Variants in RAB3C observed in about 807,000 individuals in gnomAD.
RAB3C encodes the protein RAB3C, member RAS oncogene family, also known as ras-related protein Rab-3C.
RAB3C carries 17 observed loss-of-function variants against 26.4 expected under a neutral mutation model. The ratio of observed to expected loss-of-function variants is 0.64; its 90% confidence interval spans 0.44 to 0.97. RAB3C has a LOEUF of 0.97. RAB3C is among the 50% of genes least tolerant of loss of function. RAB3C has a pLI of 0.00. For synonymous variants in RAB3C, 91 were observed against 95.9 expected, an observed-to-expected ratio of 0.95 and a Z score of 0.30; for missense variants, 242 against 281.9, an observed-to-expected ratio of 0.86 and a Z score of 1.01.
chr5:58,587,400 C>T (rs1746035540), intron 1 of RAB3C, among the ~76,000 whole-genome samples: 1 of 152,174 alleles, frequency 6.6e-6, no homozygotes, highest in South Asian at 2.1e-4. Flanking sequence ...TAAAGGTTTT[C>T]CAACCATTTT....
chr5:58,800,035 A>T (rs1280816655), intron 3 of RAB3C, among the ~76,000 whole-genome samples: 1 of 152,244 alleles, frequency 6.6e-6, no homozygotes, highest in Non-Finnish European at 1.5e-5. Flanking sequence ...ATATAACCTT[A>T]CAGTATCCAT....
intron 2 of RAB3C, among the ~76,000 whole-genome samples, chr5:58,713,330 A>T (rs749586470): frequency 6.6e-6 from 1 of 152,212 alleles, no homozygotes; most frequent in Non-Finnish European, 1.5e-5. Context: ...TTCAAAACAA[A>T]TTAGAAATCT....
At chr5:58,662,106 T>A (rs1747916462) in intron 2 of RAB3C, among the ~76,000 whole-genome samples, 1 of 149,508 alleles carries the variant, frequency 6.7e-6, no homozygotes, top group African/African-American at 2.6e-5. Context: ...TTGTGGGAGG[T>A]CTCCTTTAGG....
chr5:58,779,918 T>A (rs994348672), intron 3 of RAB3C, among the ~76,000 whole-genome samples: 1 of 151,838 alleles, frequency 6.6e-6, no homozygotes, highest in African/African-American at 2.4e-5. Flanking sequence ...ACAGTTAGGG[T>A]CAAATATCTA....
chr5:58,717,332 C>T (rs1002800429), intron 2 of RAB3C, among the ~76,000 whole-genome samples: 3 of 152,044 alleles, frequency 2.0e-5, no homozygotes, highest in African/African-American at 7.2e-5. Flanking sequence ...GTTTCAAAAT[C>T]AGGGATGAAG....
chr5:58,583,278 T>C (rs1289672721), intron 1 of RAB3C, 46 bp downstream of exon 1: 1 of 1,613,250 alleles, frequency 6.2e-7, no homozygotes, highest in Non-Finnish European at 8.5e-7. Context: ...TTGAAAGAGA[T>C]GCTTTTCCCC....
chr5:58,758,735 G>A (rs112916448), intron 3 of RAB3C, among the ~76,000 whole-genome samples: 21 of 152,310 alleles, frequency 1.4e-4, no homozygotes, highest in South Asian at 8.3e-4. Context: ...GATAAAGGAT[G>A]ACGACCAAAG....
At chr5:58,744,370 C>A (rs1203838249) in intron 3 of RAB3C, among the ~76,000 whole-genome samples, 3 of 152,194 alleles carry the variant, frequency 2.0e-5, no homozygotes, top group Non-Finnish European at 4.4e-5. Context: ...TGGAAGTAGA[C>A]AAGGAAGGAC....
At chr5:58,766,972 C>T (rs2111983354) in intron 3 of RAB3C, among the ~76,000 whole-genome samples, 1 of 152,280 alleles carries the variant, frequency 6.6e-6, no homozygotes, top group South Asian at 2.1e-4. Flanking sequence ...AACAGCATCT[C>T]TGAATCTAAA....
chr5:58,777,598 T>G (rs1420795007), intron 3 of RAB3C, among the ~76,000 whole-genome samples: 2 of 151,802 alleles, frequency 1.3e-5, no homozygotes, highest in Admixed American at 6.6e-5. Flanking sequence ...GACCATGTTT[T>G]TTTTTTTTTT....
chr5:58,617,974 A>C (rs903206483), intron 2 of RAB3C, 104 bp downstream of exon 2: 3 of 691,022 alleles, frequency 4.3e-6, no homozygotes, highest in Non-Finnish European at 7.4e-6. Context: ...GGCATCCACA[A>C]GCCTCAATTT....
At chr5:58,618,154 C>G (rs151039489) in intron 2 of RAB3C, among the ~76,000 whole-genome samples, 1 of 152,210 alleles carries the variant, frequency 6.6e-6, no homozygotes, top group Non-Finnish European at 1.5e-5. Flanking sequence ...GGAAGGAACA[C>G]TTTAAGTCTG....
chr5:58,666,648 A>G (rs1351185429), intron 2 of RAB3C, among the ~76,000 whole-genome samples: 1 of 152,190 alleles, frequency 6.6e-6, no homozygotes, highest in Non-Finnish European at 1.5e-5. Flanking sequence ...CAGTTAGTAG[A>G]GATAGGGGCT....
intron 4 of RAB3C, among the ~76,000 whole-genome samples, chr5:58,844,909 C>T (rs1011148468): frequency 6.6e-6 from 1 of 152,154 alleles, no homozygotes; most frequent in Non-Finnish European, 1.5e-5. Context: ...AACAGTGCCG[C>T]AGAACATCTC....
At chr5:58,769,316 AAGAG>A (rs1241303303) in intron 3 of RAB3C, among the ~76,000 whole-genome samples, 1 of 152,144 alleles carries the variant, frequency 6.6e-6, no homozygotes, top group South Asian at 2.1e-4. Flanking sequence ...TAGTTCAGGA[AAGAG>A]AGAGAGTTAA....
intron 2 of RAB3C, among the ~76,000 whole-genome samples, chr5:58,687,029 A>G (rs1207032522): frequency 6.6e-6 from 1 of 152,106 alleles, no homozygotes; most frequent in Non-Finnish European, 1.5e-5. Context: ...CCTAGAGCTC[A>G]AGGACTTTTT....
At chr5:58,584,824 CTG>C (rs1324113869) in intron 1 of RAB3C, among the ~76,000 whole-genome samples, 2 of 113,138 alleles carry the variant, frequency 1.8e-5, no homozygotes, top group African/African-American at 6.8e-5. Flanking sequence ...TTTAACCACA[CTG>C]TATATCAATT....
chr5:58,593,046 T>A (rs773916945), intron 1 of RAB3C, among the ~76,000 whole-genome samples: 16 of 152,144 alleles, frequency 1.1e-4, no homozygotes, highest in Non-Finnish European at 1.6e-4. Context: ...CAATTACATG[T>A]ATGTTAGAAT....
chr5:58,730,248 T>C (rs990405057), intron 3 of RAB3C, among the ~76,000 whole-genome samples: 3 of 151,912 alleles, frequency 2.0e-5, no homozygotes, highest in Non-Finnish European at 4.4e-5. Context: ...TAGCACAAAA[T>C]GGATATTTTA....
Sources: allele counts gnomAD v4.1 joint callset (sites outside exome capture counted in the v4.1 genomes callset), GRCh38; gene constraint gnomAD v4.1.1; transcripts MANE v1.5; gene names NCBI Gene and HGNC (gene_info 2026-07-23, HGNC 2026-07-21).